PCM1: variants seen among roughly 807,000 people sequenced by gnomAD.
The protein encoded by PCM1 is pericentriolar material 1, also known as pericentriolar material 1 protein.
PCM1 carries 157 observed loss-of-function variants against 241.9 expected under a neutral mutation model. The observed-to-expected ratio is 0.65, with a 90% CI of 0.57 to 0.74. The LOEUF (loss-of-function observed/expected upper bound fraction) is 0.74. Ranked by LOEUF, PCM1 falls within the 30% of genes least tolerant of loss-of-function variation. The pLI is 0.00. For synonymous variants in PCM1, 1,085 were observed against 784.9 expected (o/e 1.38, Z -6.39); for missense variants, 3,478 against 2,360.1 (o/e 1.47, Z -9.81).
chr8:17,971,554 C>T (rs759223196), intron 22 of PCM1, among the ~76,000 whole-genome samples: 1 of 152,168 alleles, frequency 6.6e-6, no homozygotes, highest in African/African-American at 2.4e-5. Context: ...AATAGAACTA[C>T]GGACTTAAGG....
chr8:18,002,082 T>TTA (rs2089811296), intron 29 of PCM1, among the ~76,000 whole-genome samples: 1 of 88,712 alleles, frequency 1.1e-5, no homozygotes, highest in Non-Finnish European at 2.0e-5. Context: ...TTTTTTCTTT[T>TTA]TTTTATTATA....
intron 9 of PCM1, 26 bp downstream of exon 9, chr8:17,953,212 T>G: frequency 7.8e-7 from 1 of 1,282,744 alleles, no homozygotes; most frequent in Non-Finnish European, 1.1e-6. Flanking sequence ...TCAGCAGTAT[T>G]GGGTATAAGA....
At chr8:17,976,534 T>C (rs1198995618) in intron 23 of PCM1, among the ~76,000 whole-genome samples, 1 of 152,174 alleles carries the variant, frequency 6.6e-6, no homozygotes, top group Non-Finnish European at 1.5e-5. Flanking sequence ...CTCACAAGCC[T>C]CTCTTGTCCA....
rs182841838 is a variant in PCM1 at position 17,962,119 on chromosome 8, C to T, written c.2408C>T (p.Thr803Ile). Residue 803 changes from threonine to isoleucine, a missense_variant, in exon 16 of 39, where the codon ACC becomes ATC. By Grantham distance (89) the Thr-to-Ile change is moderately conservative. Transcript: ENST00000325083. ...TSTPTVNQHE[T>I]STSKSVFEPE... ...ACCCCAACTGTTAATCAACACGAGA[C>T]CAGTACAAGCAAATCTGTTTTTGAG... 4 of 1,610,332 alleles carry T rather than the reference C, an allele frequency of 2.5e-6. No individual in the cohort carries two copies. In the East Asian group the frequency reaches 8.9e-5, roughly 36 times the overall value.
In PCM1 at chr8:17,937,368, G is replaced by A. The variant is rs758785182; in HGVS notation, c.331G>A (p.Asp111Asn). ...EKLKQRINFS[D>N]LDQRSIGSDS... is the part of the protein sequence containing the mutation. ...ACTGAAACAGCGGATAAACTTCAGT[G>A]ATTTAGATCAGGTTTGTGAATTATT... is the stretch of plus-strand genomic sequence containing the variant. Residue 111 changes from aspartate to asparagine, a missense_variant, in exon 4 of 39, where the codon GAT becomes AAT. Physicochemically the swap from Asp to Asn is conservative, Grantham distance 23. Transcript: ENST00000325083. 1 of 1,593,632 alleles carries A rather than the reference G, an allele frequency of 6.3e-7. No homozygotes were observed. Among genetic ancestry groups the A allele is most frequent in the Non-Finnish European group, 8.5e-7 (1 of 1,171,364 alleles).
intron 16 of PCM1, 159 bp from the exon 17 acceptor site, chr8:17,962,942 A>G: frequency 3.5e-6 from 2 of 567,918 alleles, no homozygotes; most frequent in East Asian, 6.3e-5. Context: ...TGTAATCATA[A>G]CTATATTATT....
At chr8:18,018,930 A>C (rs2093529378) in intron 36 of PCM1, among the ~76,000 whole-genome samples, 1 of 122,880 alleles carries the variant, frequency 8.1e-6, no homozygotes, top group African/African-American at 3.2e-5. Context: ...AACATATAAT[A>C]TATAACAAAG....
intron 9 of PCM1, among the ~76,000 whole-genome samples, chr8:17,955,108 A>G (rs2067643484): frequency 6.6e-6 from 1 of 152,108 alleles, no homozygotes; most frequent in South Asian, 2.1e-4. Context: ...CAAGTTTATC[A>G]AGTTAGTTAC....
At chr8:17,973,263 G>A (rs1408766633) in intron 23 of PCM1, among the ~76,000 whole-genome samples, 3 of 152,072 alleles carry the variant, frequency 2.0e-5, no homozygotes, top group Admixed American at 2.0e-4. Context: ...TACAAAAATA[G>A]GTTTTCTGTG....
intron 29 of PCM1, among the ~76,000 whole-genome samples, chr8:17,998,499 C>T (rs757954168): frequency 4.6e-5 from 7 of 152,284 alleles, no homozygotes; most frequent in Middle Eastern, 3.4e-3. Context: ...TCTTCCTTTA[C>T]TTTCTTTCAA....
chr8:17,944,563 A>G (rs1335565280), intron 6 of PCM1, among the ~76,000 whole-genome samples: 3 of 152,186 alleles, frequency 2.0e-5, no homozygotes, highest in Admixed American at 6.5e-5. Context: ...AACTAAAAAT[A>G]TAGTTGGTGA....
At position 17,962,137 on chromosome 8, in the gene PCM1, T is replaced by C; in HGVS notation, c.2426T>C (p.Val809Ala). 1.2e-6 allele frequency: 2 copies of C among 1,608,822 alleles called. No homozygotes were observed. The highest frequency in any genetic ancestry group is 1.7e-6 in the Non-Finnish European group (2 of 1,176,820). Residue 809 changes from valine to alanine, a missense_variant, in exon 16 of 39, where the codon GTT becomes GCT. Coordinates refer to ENST00000325083, the MANE Select transcript of PCM1 (RefSeq NM_006197.4). Reference protein sequence around the residue: ...NQHETSTSKSVFEPEDSSIVD... With the variant: ...NQHETSTSKSAFEPEDSSIVD... ...CACGAGACCAGTACAAGCAAATCTG[T>C]TTTTGAGCCTGAAGATTCTTCAATA... is the stretch of plus-strand genomic sequence containing the variant.
At chr8:17,954,842 G>C (rs937347156) in intron 9 of PCM1, among the ~76,000 whole-genome samples, 1 of 152,134 alleles carries the variant, frequency 6.6e-6, no homozygotes, top group South Asian at 2.1e-4. Context: ...GACCATAGAG[G>C]ATTAGCCATT....
At chr8:17,963,615 A>G (rs2129468846) in intron 17 of PCM1, among the ~76,000 whole-genome samples, 1 of 152,350 alleles carries the variant, frequency 6.6e-6, no homozygotes, top group South Asian at 2.1e-4. Flanking sequence ...CTTTTCTGTC[A>G]GGCCAGAAAT....
At chr8:17,940,739 T>C (rs995528793) in intron 6 of PCM1, among the ~76,000 whole-genome samples, 12 of 152,196 alleles carry the variant, frequency 7.9e-5, no homozygotes, top group African/African-American at 2.7e-4. Context: ...AAATGGAATT[T>C]GTTGAAGTAC....
At chr8:17,996,162 G>C (rs1285925092) in intron 29 of PCM1, among the ~76,000 whole-genome samples, 2 of 152,104 alleles carry the variant, frequency 1.3e-5, no homozygotes, top group African/African-American at 4.8e-5. Context: ...TATGATACTA[G>C]CTGTGGGTCT....
intron 24 of PCM1, among the ~76,000 whole-genome samples, chr8:17,984,450 CTG>C (rs1490217076): frequency 6.6e-6 from 1 of 151,706 alleles, no homozygotes; most frequent in Non-Finnish European, 1.5e-5. Context: ...ATACCTGTAA[CTG>C]AGGCAAAATA....
chr8:17,974,860 C>CACAG (rs975603860), intron 23 of PCM1, among the ~76,000 whole-genome samples: 2 of 120,428 alleles, frequency 1.7e-5, no homozygotes, highest in African/African-American at 8.1e-5. Flanking sequence ...CTTTAAGGCA[C>CACAG]ACACACACAC....
chr8:17,957,172 T>C, intron 11 of PCM1, 92 bp from the exon 12 acceptor site: 2 of 977,894 alleles, frequency 2.0e-6, no homozygotes, highest in Non-Finnish European at 1.5e-6. Flanking sequence ...ATGTGCTTGG[T>C]TTGGTGTTAT....
Sources: allele counts gnomAD v4.1 joint callset (sites outside exome capture counted in the v4.1 genomes callset), GRCh38; gene constraint gnomAD v4.1.1; transcripts MANE v1.5; gene names NCBI Gene and HGNC (gene_info 2026-07-23, HGNC 2026-07-21).